NCALD: variants seen among roughly 807,000 people sequenced by gnomAD.
NCALD encodes the protein neurocalcin-delta.
A neutral mutation model predicts 18.6 loss-of-function variants in NCALD; 10 were observed. The ratio of observed to expected loss-of-function variants is 0.54; its 90% CI spans 0.33 to 0.91. NCALD has a LOEUF of 0.91. NCALD is among the 40% of genes least tolerant of loss of function. The pLI is 0.03. For synonymous variants in NCALD, 88 were observed against 87.4 expected, an observed-to-expected ratio of 1.01 and a Z score of -0.04; for missense variants, 184 against 247.6, an observed-to-expected ratio of 0.74 and a Z score of 1.72.
intron 2 of NCALD, among the ~76,000 whole-genome samples, chr8:101,918,740 C>CCACACACA (rs34480976): frequency 0.033 from 4,649 of 140,672 alleles, 129 homozygotes; most frequent in East Asian, 0.18. Flanking sequence ...TTTACAATAG[C>CCACACACA]CACACACACA....
At chr8:101,801,639 CTTACTTTTTTTTTTT>C (rs1812857686) in intron 4 of NCALD, among the ~76,000 whole-genome samples, 1 of 104,752 alleles carries the variant, frequency 9.5e-6, no homozygotes, top group Non-Finnish European at 2.0e-5. Flanking sequence ...TACAAGCACA[CTTACTTTTTTTTTTT>C]TTTTTTTTTT....
intron 2 of NCALD, among the ~76,000 whole-genome samples, chr8:101,934,340 G>A (rs1479201827): frequency 6.6e-6 from 1 of 152,094 alleles, no homozygotes; most frequent in Non-Finnish European, 1.5e-5. Context: ...AGTGGGGAGA[G>A]CAAGAAAGGG....
chr8:102,039,112 T>C (rs1289772888), intron 1 of NCALD, among the ~76,000 whole-genome samples: 2 of 152,138 alleles, frequency 1.3e-5, no homozygotes, highest in Non-Finnish European at 2.9e-5. Flanking sequence ...AAGAGGAACT[T>C]GAGCCTTGAT....
chr8:101,769,655 C>A (rs904585348), intron 1 of NCALD, among the ~76,000 whole-genome samples: 1 of 151,364 alleles, frequency 6.6e-6, no homozygotes, highest in East Asian at 1.9e-4. Context: ...GAGACACTGG[C>A]GAACATTTCC....
At chr8:101,856,286 C>G (rs61660539) in intron 4 of NCALD, among the ~76,000 whole-genome samples, 2,555 of 152,302 alleles carry the variant, frequency 0.017, 82 homozygotes, top group African/African-American at 0.055. Context: ...AATTCTCCCA[C>G]TTCAGCCCCC....
At chr8:101,706,872 T>C (rs1357736924) in intron 2 of NCALD, among the ~76,000 whole-genome samples, 1 of 116,688 alleles carries the variant, frequency 8.6e-6, no homozygotes, top group Non-Finnish European at 2.3e-5. Context: ...ATAGTGTGAT[T>C]TGCAATAAGA....
chr8:102,120,578 GA>G (rs1235673355), intron 1 of NCALD, among the ~76,000 whole-genome samples: 2 of 152,188 alleles, frequency 1.3e-5, no homozygotes, highest in East Asian at 3.8e-4. Context: ...GAAAAATAGA[GA>G]AATGAGGTCC....
At position 101,969,511 on chromosome 8, in the gene NCALD, T is replaced by G. The variant is rs559439516; in HGVS notation, c.-157+50726A>C. On this transcript the variant is annotated intron_variant, in intron 2 of 6. Coordinates refer to the NCALD transcript ENST00000311028. ...AGAAGAAACTCTAAAAAACACATAGTTTGGGAGAGAGTATTATGTTAATTA... is the reference window on the plus strand; with the variant it reads ...AGAAGAAACTCTAAAAAACACATAGGTTGGGAGAGAGTATTATGTTAATTA... Among the ~76,000 whole-genome samples, 24 of 152,312 alleles carry G rather than the reference T, an allele frequency of 1.6e-4. No homozygotes were observed. In the South Asian group the frequency reaches 5.0e-3, roughly 32 times the overall value.
intron 2 of NCALD, among the ~76,000 whole-genome samples, chr8:101,710,762 C>T (rs1815748044): frequency 6.6e-6 from 1 of 152,254 alleles, no homozygotes; most frequent in Non-Finnish European, 1.5e-5. Flanking sequence ...GCAGCAGCCC[C>T]ATTCAGGGGC....
chr8:101,920,454 T>C (rs1177318140), intron 2 of NCALD, among the ~76,000 whole-genome samples: 2 of 152,170 alleles, frequency 1.3e-5, no homozygotes, highest in East Asian at 1.9e-4. Flanking sequence ...GTATTCACAA[T>C]AGCAAAGACA....
intron 2 of NCALD, among the ~76,000 whole-genome samples, chr8:101,957,155 A>G (rs554757516): frequency 6.6e-6 from 1 of 152,246 alleles, no homozygotes; most frequent in Non-Finnish European, 1.5e-5. Context: ...ACAAAAAGGG[A>G]AAAACTTTAA....
chr8:101,987,326 T>G (rs1284623751), intron 2 of NCALD, among the ~76,000 whole-genome samples: 1 of 152,242 alleles, frequency 6.6e-6, no homozygotes, highest in Non-Finnish European at 1.5e-5. Flanking sequence ...AAGAGTGACC[T>G]AAATTGCCAG....
intron 1 of NCALD, among the ~76,000 whole-genome samples, chr8:102,034,758 G>A (rs978969670): frequency 1.6e-4 from 25 of 152,154 alleles, no homozygotes; most frequent in Non-Finnish European, 2.8e-4. Context: ...CAGGATCCTT[G>A]ATTTAATAGC....
At chr8:102,116,446 C>T (rs1207675441) in intron 1 of NCALD, among the ~76,000 whole-genome samples, 3 of 151,990 alleles carry the variant, frequency 2.0e-5, no homozygotes, top group Non-Finnish European at 4.4e-5. Flanking sequence ...AAAGTATGTC[C>T]AAGTGTCCAA....
chr8:101,827,975 G>T (rs921021294), intron 4 of NCALD, among the ~76,000 whole-genome samples: 3 of 152,208 alleles, frequency 2.0e-5, no homozygotes, highest in Non-Finnish European at 4.4e-5. Context: ...TGTGGTAGGT[G>T]CTGGGAATGC....
At chr8:101,989,601 G>C (rs1820965354) in intron 2 of NCALD, among the ~76,000 whole-genome samples, 1 of 152,204 alleles carries the variant, frequency 6.6e-6, no homozygotes. Flanking sequence ...TCCTGGAGCT[G>C]TCCATATGCA....
chr8:101,957,289 G>GTTTTTTTTTTTTT (rs11305701), intron 2 of NCALD, among the ~76,000 whole-genome samples: 3 of 99,498 alleles, frequency 3.0e-5, no homozygotes, highest in African/African-American at 1.2e-4. Flanking sequence ...AAAAGTTGGG[G>GTTTTTTTTTTTTT]TTTTTTTTTT....
At chr8:101,690,198 A>C (rs1476946468) in intron 3 of NCALD, 2 of 668,484 alleles carry the variant, frequency 3.0e-6, no homozygotes, top group Non-Finnish European at 3.4e-6. Flanking sequence ...TGTGGAGAGG[A>C]GGGGAGGGGG....
At chr8:101,761,702 T>G (rs999048962) in intron 1 of NCALD, among the ~76,000 whole-genome samples, 9 of 152,184 alleles carry the variant, frequency 5.9e-5, no homozygotes, top group African/African-American at 2.2e-4. Context: ...GTATTCAATC[T>G]CCCCTTCTTC....
Sources: gnomAD v4.1 joint callset for allele counts (sites outside exome capture counted in the v4.1 genomes callset) on GRCh38, gnomAD v4.1.1 for gene constraint, MANE v1.5 for transcripts, NCBI Gene and HGNC (gene_info 2026-07-23, HGNC 2026-07-21) for gene names.